ITGBL1: variants seen among roughly 807,000 people sequenced by gnomAD.
ITGBL1 encodes integrin subunit beta like 1.
Under a neutral mutation model 68.5 loss-of-function variants are expected in ITGBL1, and 51 were observed. That is an observed-to-expected ratio of 0.74 (90% CI 0.59 to 0.94). The LOEUF (loss-of-function observed/expected upper bound fraction) is 0.94. ITGBL1 is among the 40% of genes least tolerant of loss of function. The pLI is 0.00. For synonymous variants in ITGBL1, 209 were observed against 227.3 expected (o/e 0.92, Z 0.72); for missense variants, 649 against 647.4 (o/e 1.00, Z -0.03).
chr13:101,536,837 T>C (rs759500366), intron 2 of ITGBL1, among the ~76,000 whole-genome samples: 1 of 152,030 alleles, frequency 6.6e-6, no homozygotes, highest in African/African-American at 2.4e-5. Flanking sequence ...TTAATAATTA[T>C]TTCCAGAAAA....
chr13:101,531,304 C>T (rs2139160027), intron 2 of ITGBL1, among the ~76,000 whole-genome samples: 1 of 152,260 alleles, frequency 6.6e-6, no homozygotes, highest in African/African-American at 2.4e-5. Flanking sequence ...GCTGCTGCTC[C>T]ACTGAATTGC....
intron 2 of ITGBL1, among the ~76,000 whole-genome samples, chr13:101,565,306 A>G (rs912879817): frequency 6.6e-6 from 1 of 152,166 alleles, no homozygotes; most frequent in East Asian, 1.9e-4. Context: ...AAAATTGTAA[A>G]CAATAGTCTG....
chr13:101,616,129 G>A (rs1004419331), intron 7 of ITGBL1, among the ~76,000 whole-genome samples: 6 of 152,192 alleles, frequency 3.9e-5, no homozygotes, highest in African/African-American at 1.2e-4. Flanking sequence ...ATGCTCTGAC[G>A]GAGATATTTG....
At chr13:101,518,599 A>G (rs2049232900) in intron 2 of ITGBL1, among the ~76,000 whole-genome samples, 1 of 152,222 alleles carries the variant, frequency 6.6e-6, no homozygotes, top group African/African-American at 2.4e-5. Flanking sequence ...AAAGAACAGT[A>G]TATTGATTAG....
At position 101,556,612 on chromosome 13, in the gene ITGBL1, A is replaced by G. The variant is rs367702048; in HGVS notation, c.317-11087A>G. ...GTGCCATTGCACTCCAGCCTGGGCA[A>G]CAAGAGGGAAATTCCGTCTCAAAAA... On this transcript the variant is annotated intron_variant, in intron 2 of 10. Coordinates refer to ENST00000376180, the MANE Select transcript of ITGBL1 (RefSeq NM_004791.3). Among the ~76,000 whole-genome samples, 29 of 152,286 alleles carry G rather than the reference A, an allele frequency of 1.9e-4. No individual in the cohort carries two copies. In the South Asian group the frequency reaches 5.4e-3, roughly 28 times the overall value.
intron 6 of ITGBL1, 44 bp from the exon 7 acceptor site, chr13:101,598,109 T>C (rs1432063622): frequency 6.5e-7 from 1 of 1,540,702 alleles, no homozygotes; most frequent in South Asian, 1.2e-5. Context: ...CCAACTTCAT[T>C]ATCTTTATGT....
intron 2 of ITGBL1, among the ~76,000 whole-genome samples, chr13:101,499,168 T>G (rs1317973328): frequency 6.6e-6 from 1 of 152,198 alleles, no homozygotes; most frequent in African/African-American, 2.4e-5. Context: ...GTGCTCTAAG[T>G]TCATGCTGCT....
At chr13:101,606,172 TTTTA>T (rs1375508668) in intron 7 of ITGBL1, among the ~76,000 whole-genome samples, 10 of 60,106 alleles carry the variant, frequency 1.7e-4, no homozygotes, top group African/African-American at 7.0e-4. Context: ...CTATTAGGAT[TTTTA>T]TATATATATA....
intron 2 of ITGBL1, among the ~76,000 whole-genome samples, chr13:101,456,518 G>T (rs1049370746): frequency 6.6e-6 from 1 of 152,208 alleles, no homozygotes; most frequent in Admixed American, 6.5e-5. Context: ...GAAAGTTCCT[G>T]TAGGTCCTTT....
At chr13:101,554,847 C>T (rs1157776019) in intron 2 of ITGBL1, among the ~76,000 whole-genome samples, 1 of 152,120 alleles carries the variant, frequency 6.6e-6, no homozygotes, top group South Asian at 2.1e-4. Context: ...TAATAGTGTC[C>T]TTTTCATTTA....
At chr13:101,556,844 G>A (rs1248385022) in intron 2 of ITGBL1, among the ~76,000 whole-genome samples, 2 of 152,160 alleles carry the variant, frequency 1.3e-5, no homozygotes, top group East Asian at 3.9e-4. Context: ...CCTTGGTTTT[G>A]GACTTCGAGT....
intron 2 of ITGBL1, among the ~76,000 whole-genome samples, chr13:101,459,451 G>T (rs908802319): frequency 6.6e-6 from 1 of 151,980 alleles, no homozygotes; most frequent in Non-Finnish European, 1.5e-5. Context: ...CAGACTATAC[G>T]CCATCCTTAG....
At chr13:101,464,329 T>A (rs1006620015) in intron 2 of ITGBL1, among the ~76,000 whole-genome samples, 23 of 152,172 alleles carry the variant, frequency 1.5e-4, no homozygotes, top group African/African-American at 5.1e-4. Context: ...TCACAAGGAG[T>A]TTAGTTATTA....
At chr13:101,524,122 T>G (rs2049331565) in intron 2 of ITGBL1, among the ~76,000 whole-genome samples, 2 of 121,908 alleles carry the variant, frequency 1.6e-5, no homozygotes, top group African/African-American at 5.6e-5. Context: ...AACAAACTTT[T>G]TTTTTAATTT....
At chr13:101,599,430 C>G (rs1437125166) in intron 7 of ITGBL1, among the ~76,000 whole-genome samples, 5 of 150,534 alleles carry the variant, frequency 3.3e-5, no homozygotes, top group Admixed American at 1.3e-4. Flanking sequence ...TGCAGAAGCT[C>G]TTTAGTTTAA....
chr13:101,541,560 T>C (rs2049702902), intron 2 of ITGBL1, among the ~76,000 whole-genome samples: 2 of 152,206 alleles, frequency 1.3e-5, no homozygotes, highest in Admixed American at 1.3e-4. Context: ...AGGATGATGC[T>C]GGCCTCATAA....
chr13:101,684,696 T>TA (rs1227672069), intron 7 of ITGBL1, among the ~76,000 whole-genome samples: 7 of 151,960 alleles, frequency 4.6e-5, no homozygotes, highest in African/African-American at 1.7e-4. Flanking sequence ...TTTTTATCCT[T>TA]ACCATATTCT....
At chr13:101,560,940 T>C (rs2050089803) in intron 2 of ITGBL1, among the ~76,000 whole-genome samples, 2 of 152,312 alleles carry the variant, frequency 1.3e-5, no homozygotes, top group Middle Eastern at 6.8e-3. Flanking sequence ...AGTTACAAAG[T>C]GTGATTCCCA....
Position 101,454,044 on chromosome 13 carries a change from C to A in ITGBL1, c.260C>A (p.Pro87His). Residue 87 changes from proline to histidine, a missense_variant, in exon 2 of 11, where the codon CCC becomes CAC. Coordinates refer to ENST00000376180, the MANE Select transcript of ITGBL1 (RefSeq NM_004791.3). ...HVTEPGMFFG[P>H]LCECHEWVCE... ...ACTGAGCCGGGCATGTTCTTCGGGC[C>A]CCTGTGTGAGTGCCATGAGTGGGTG... 6.3e-7 allele frequency: 1 copy of A among 1,593,498 alleles called. No individual in the cohort carries two copies. Among genetic ancestry groups the A allele is most frequent in the Non-Finnish European group, 8.5e-7 (1 of 1,170,576 alleles).
Sources: allele counts gnomAD v4.1 joint callset (sites outside exome capture counted in the v4.1 genomes callset), GRCh38; gene constraint gnomAD v4.1.1; transcripts MANE v1.5; gene names NCBI Gene and HGNC (gene_info 2026-07-23, HGNC 2026-07-21).